Variants in INPP4B observed in about 807,000 individuals in gnomAD.
INPP4B encodes the protein inositol polyphosphate-4-phosphatase type II B.
Under a neutral mutation model 122.5 loss-of-function variants are expected in INPP4B, and 55 were observed. That is an observed-to-expected ratio of 0.45 (90% CI 0.36 to 0.56). The LOEUF (loss-of-function observed/expected upper bound fraction) is 0.56, where lower values mean the gene tolerates loss of function less well. INPP4B is among the 20% of genes least tolerant of loss of function. The pLI, the probability that INPP4B is intolerant of heterozygous loss-of-function variation, is 0.00. For missense variants in INPP4B, 1,000 were observed against 1,097.7 expected, an observed-to-expected ratio of 0.91 and a Z score of 1.26; for synonymous variants, 403 against 388.7, an observed-to-expected ratio of 1.04 and a Z score of -0.43.
rs374745961 is a variant in INPP4B, at chr4:142,428,620, T to C, written c.136+553A>G. On this transcript the variant is annotated intron_variant, in intron 5 of 25. Coordinates refer to ENST00000262992, the MANE Select transcript of INPP4B (RefSeq NM_001101669.3). ...AGAATGCACACTTTTAATTCATCCT[T>C]GGACAAAGTTACAAATTTTTACATG... is the stretch of plus-strand genomic sequence containing the variant. Among the ~76,000 whole-genome samples, 7 of 152,156 alleles carry C rather than the reference T, an allele frequency of 4.6e-5. No homozygotes were observed. The East Asian group carries it at 1.2e-3, about 25-fold the overall frequency.
At chr4:142,259,368 TA>T (rs928536320) in intron 11 of INPP4B, among the ~76,000 whole-genome samples, 3 of 143,164 alleles carry the variant, frequency 2.1e-5, no homozygotes, top group Non-Finnish European at 3.0e-5. Flanking sequence ...AATAAATAAA[TA>T]AAAAAAAAGA....
At chr4:142,734,414 T>A (rs1766524072) in intron 1 of INPP4B, among the ~76,000 whole-genome samples, 1 of 152,198 alleles carries the variant, frequency 6.6e-6, no homozygotes, top group South Asian at 2.1e-4. Context: ...GGAAACGCTC[T>A]GAGGAGGATA....
chr4:142,171,460 A>G (rs1825607063), intron 16 of INPP4B, among the ~76,000 whole-genome samples: 1 of 151,892 alleles, frequency 6.6e-6, no homozygotes, highest in Admixed American at 6.6e-5. Flanking sequence ...CAACAAGCCC[A>G]AAACTTAAAA....
chr4:142,761,699 A>G (rs961911908), intron 1 of INPP4B, among the ~76,000 whole-genome samples: 4 of 152,210 alleles, frequency 2.6e-5, no homozygotes, highest in African/African-American at 9.6e-5. Flanking sequence ...AGAAATAGAA[A>G]GATTGCACCA....
chr4:142,745,892 T>C (rs1444548741), intron 1 of INPP4B, among the ~76,000 whole-genome samples: 1 of 151,854 alleles, frequency 6.6e-6, no homozygotes, highest in Non-Finnish European at 1.5e-5. Flanking sequence ...ATCTTAAATA[T>C]GTATGCACCT....
intron 3 of INPP4B, among the ~76,000 whole-genome samples, chr4:142,451,944 T>G (rs1051079349): frequency 6.6e-6 from 1 of 152,156 alleles, no homozygotes; most frequent in Non-Finnish European, 1.5e-5. Flanking sequence ...TGGGTACATG[T>G]GCCCAACGTG....
intron 2 of INPP4B, among the ~76,000 whole-genome samples, chr4:142,678,549 T>G (rs2150671050): frequency 6.6e-6 from 1 of 152,020 alleles, no homozygotes; most frequent in East Asian, 1.9e-4. Context: ...ATTTTGGCTC[T>G]GAAAGACTAT....
At chr4:142,406,592 C>G (rs1217216176) in intron 5 of INPP4B, among the ~76,000 whole-genome samples, 1 of 152,202 alleles carries the variant, frequency 6.6e-6, no homozygotes, top group Non-Finnish European at 1.5e-5. Flanking sequence ...CTAGGCAACA[C>G]TGGGAAAATT....
intron 16 of INPP4B, among the ~76,000 whole-genome samples, chr4:142,167,933 G>A (rs539519785): frequency 5.3e-5 from 8 of 150,202 alleles, no homozygotes; most frequent in South Asian, 4.2e-4. Context: ...GCCTGAACTC[G>A]TCTCCATTTC....
chr4:142,720,441 T>C, intron 2 of INPP4B, among the ~76,000 whole-genome samples: 1 of 152,038 alleles, frequency 6.6e-6, no homozygotes, highest in Admixed American at 6.6e-5. Context: ...AGGTTTCCTC[T>C]TTCCCAATGT....
At chr4:142,598,539 C>T (rs538899293) in intron 2 of INPP4B, among the ~76,000 whole-genome samples, 1 of 152,230 alleles carries the variant, frequency 6.6e-6, no homozygotes, top group Non-Finnish European at 1.5e-5. Flanking sequence ...ACAGCACTGG[C>T]TAGACCCAAG....
Position 142,028,894 on chromosome 4 carries a change from T to TTCTC in INPP4B, c.2659_2662dup (p.Asn888ArgfsTer37). On this transcript the variant is annotated frameshift_variant, in exon 26 of 26. Transcript: ENST00000262992. LOFTEE classifies it high-confidence loss of function. The stretch of plus-strand genomic sequence containing the variant: ...TCTGCATTTGATATTCTTCAGTACA[T>TTCTC]TCTCTATGCGGCATCCTTCTCTGGT... 2 of 1,612,690 alleles carry TTCTC rather than the reference T, an allele frequency of 1.2e-6. No individual in the cohort carries two copies. The highest frequency in any genetic ancestry group is 1.7e-6 in the Non-Finnish European group (2 of 1,179,364).
intron 21 of INPP4B, among the ~76,000 whole-genome samples, chr4:142,118,333 C>T (rs1794790431): frequency 6.6e-6 from 1 of 151,728 alleles, no homozygotes; most frequent in Admixed American, 6.6e-5. Flanking sequence ...CACGCATTGC[C>T]AAGACAATCT....
At chr4:142,627,009 C>T (rs1452838507) in intron 2 of INPP4B, among the ~76,000 whole-genome samples, 1 of 151,978 alleles carries the variant, frequency 6.6e-6, no homozygotes, top group Admixed American at 6.6e-5. Context: ...TTGTAAGAGG[C>T]TGTATATTCT....
At chr4:142,518,673 T>C (rs1825712446) in intron 2 of INPP4B, 2 of 152,172 alleles carry the variant, frequency 1.3e-5, no homozygotes. Flanking sequence ...CTGTTGCTTC[T>C]ACCTTACTCT....
chr4:142,654,367 T>TAAAAAAAAAAAAA (rs10677341), intron 2 of INPP4B: 2 of 100,988 alleles, frequency 2.0e-5, no homozygotes, highest in African/African-American at 3.9e-5. Context: ...ACTTAAAGTA[T>TAAAAAAAAAAAAA]AAAAAAAAAA....
intron 12 of INPP4B, among the ~76,000 whole-genome samples, chr4:142,234,621 T>G (rs928878335): frequency 1.3e-5 from 2 of 152,196 alleles, no homozygotes; most frequent in East Asian, 3.9e-4. Flanking sequence ...TGATAGGAGA[T>G]TTATACAGAA....
At chr4:142,330,864 C>G (rs1774199402) in intron 7 of INPP4B, among the ~76,000 whole-genome samples, 1 of 152,164 alleles carries the variant, frequency 6.6e-6, no homozygotes, top group Non-Finnish European at 1.5e-5. Flanking sequence ...CTAATGGGTT[C>G]AGGCATTTTA....
At chr4:142,524,559 C>T (rs1482196742) in intron 2 of INPP4B, among the ~76,000 whole-genome samples, 2 of 151,576 alleles carry the variant, frequency 1.3e-5, no homozygotes, top group Non-Finnish European at 2.9e-5. Context: ...GGATATTAGC[C>T]CTGGGATGCA....
Sources: allele counts gnomAD v4.1 joint callset (sites outside exome capture counted in the v4.1 genomes callset), GRCh38; gene constraint gnomAD v4.1.1; transcripts MANE v1.5; gene names NCBI Gene and HGNC (gene_info 2026-07-23, HGNC 2026-07-21).